KDM2B: variants seen among roughly 807,000 people sequenced by gnomAD.
KDM2B encodes lysine-specific demethylase 2B.
In KDM2B, 26 loss-of-function variants were observed where a neutral mutation model predicts 150.0. The observed-to-expected ratio is 0.17, with a 90% confidence interval of 0.13 to 0.24. KDM2B has a LOEUF of 0.24. KDM2B is among the 10% of genes least tolerant of loss of function. The pLI, the probability that KDM2B is intolerant of heterozygous loss-of-function variation, is 1.00. For synonymous variants in KDM2B, 734 were observed against 729.5 expected (o/e 1.01, Z -0.10); for missense variants, 1,265 against 1,816.9 (o/e 0.70, Z 5.52).
intron 12 of KDM2B, among the ~76,000 whole-genome samples, chr12:121,457,247 ATTCTTTTCTT>A (rs151066744): frequency 6.6e-5 from 10 of 151,806 alleles, no homozygotes; most frequent in Admixed American, 2.0e-4. Context: ...TCAAACGCCA[ATTCTTTTCTT>A]TTCTTTTCTT....
intron 9 of KDM2B, chr12:121,516,782 T>C (rs1256755610): frequency 7.6e-6 from 5 of 662,140 alleles, no homozygotes; most frequent in East Asian, 2.7e-5. Flanking sequence ...TTCTCGAGTG[T>C]ATCTAGAACT....
intron 12 of KDM2B, among the ~76,000 whole-genome samples, chr12:121,457,410 C>T (rs887443503): frequency 1.8e-4 from 28 of 152,086 alleles, no homozygotes; most frequent in Middle Eastern, 3.4e-3. Flanking sequence ...TACAGGTGTG[C>T]GCCACCAAGC....
chr12:121,475,180 CTCTGTG>C (rs1333118158), intron 12 of KDM2B, among the ~76,000 whole-genome samples: 1 of 110,882 alleles, frequency 9.0e-6, no homozygotes, highest in Admixed American at 1.0e-4. Context: ...CTACACATGA[CTCTGTG>C]TGTGTGTGTG....
intron 4 of KDM2B, among the ~76,000 whole-genome samples, chr12:121,573,059 C>T (rs1201539924): frequency 6.6e-6 from 1 of 151,138 alleles, no homozygotes; most frequent in African/African-American, 2.4e-5. Flanking sequence ...ATCTTGACCT[C>T]GTGATCCTCC....
intron 22 of KDM2B, among the ~76,000 whole-genome samples, chr12:121,438,484 G>A (rs558348821): frequency 1.3e-4 from 20 of 152,202 alleles, no homozygotes; most frequent in Admixed American, 2.0e-4. Flanking sequence ...AGAGTAAGAC[G>A]ACTCCCAGGC....
At chr12:121,444,830 TG>T (rs1202210564) in intron 14 of KDM2B, 24 of 498,982 alleles carry the variant, frequency 4.8e-5, no homozygotes, top group Middle Eastern at 1.1e-3. Flanking sequence ...CCCATCTCAC[TG>T]GGGGGGTATG....
intron 6 of KDM2B, among the ~76,000 whole-genome samples, chr12:121,535,113 C>T (rs1594073387): frequency 3.3e-5 from 5 of 151,992 alleles, no homozygotes; most frequent in Admixed American, 3.3e-4. Context: ...CCCGAGCCAG[C>T]TTTGGCCTTG....
intron 12 of KDM2B, among the ~76,000 whole-genome samples, chr12:121,463,005 C>A (rs1879319056): frequency 1.4e-5 from 2 of 143,162 alleles, no homozygotes; most frequent in South Asian, 4.5e-4. Context: ...CAAAGTGAGA[C>A]CCTGCCTCAG....
intron 12 of KDM2B, among the ~76,000 whole-genome samples, chr12:121,463,131 A>G (rs370199693): frequency 2.0e-5 from 3 of 152,158 alleles, no homozygotes; most frequent in African/African-American, 7.2e-5. Context: ...CCTGACCAAC[A>G]TGGTGAAACC....
At chr12:121,516,725 C>G (rs1366325546) in intron 9 of KDM2B, 3 of 636,786 alleles carry the variant, frequency 4.7e-6, no homozygotes, top group South Asian at 3.6e-5. Context: ...CTCGGAGGTC[C>G]AAGTCATCTT....
chr12:121,505,520 G>C (rs1884989949), intron 11 of KDM2B, among the ~76,000 whole-genome samples: 1 of 152,130 alleles, frequency 6.6e-6, no homozygotes, highest in African/African-American at 2.4e-5. Context: ...CTTGGTGACA[G>C]AGTAAGACTC....
In KDM2B at chr12:121,444,521, CCT is replaced by C. The variant is rs1875793867; in HGVS notation, c.2117_2118del (p.Glu706GlyfsTer17). ...TTTGGAAGCTCGTCGTTGACCACAC[CCT>C]CTGACTCCTTAATCTGCGGGGAACA... ...HPGCLKIKES[E>X]GVVNDELPNC... is the part of the protein sequence containing the mutation. On this transcript the variant is annotated frameshift_variant, in exon 15 of 23. Coordinates refer to ENST00000377071, the MANE Select transcript of KDM2B (RefSeq NM_032590.5). LOFTEE classifies it high-confidence loss of function. 1 of 1,614,012 alleles carries C rather than the reference CCT, an allele frequency of 6.2e-7. No individual in the cohort carries two copies. Among genetic ancestry groups the C allele is most frequent in the Non-Finnish European group, 8.5e-7 (1 of 1,180,006 alleles).
intron 10 of KDM2B, among the ~76,000 whole-genome samples, chr12:121,511,614 T>C (rs1555304048): frequency 6.6e-6 from 1 of 152,208 alleles, no homozygotes; most frequent in East Asian, 1.9e-4. Flanking sequence ...TGAGCCACTG[T>C]GCCCGGCCCC....
the KDM2B span, among the ~76,000 whole-genome samples, chr12:121,412,961 C>G: frequency 6.6e-6 from 1 of 151,892 alleles, no homozygotes; most frequent in Non-Finnish European, 1.5e-5. Context: ...ATGATCTGCT[C>G]CCCCACCTCT....
intron 17 of KDM2B, 29 bp downstream of exon 17, chr12:121,443,651 C>T: frequency 1.4e-6 from 2 of 1,400,774 alleles, no homozygotes; most frequent in Non-Finnish European, 2.0e-6. Flanking sequence ...GTCCCCGGGG[C>T]CTCAGGAGGG....
At position 121,442,973 on chromosome 12, in the gene KDM2B, A is replaced by T; in HGVS notation, c.2604+19T>A. 6.2e-7 allele frequency: 1 copy of T among 1,612,824 alleles called. No homozygotes were observed. The highest frequency in any genetic ancestry group is 8.5e-7 in the Non-Finnish European group (1 of 1,179,468). On this transcript the variant is annotated intron_variant, in intron 18 of 22. Coordinates refer to ENST00000377071, the MANE Select transcript of KDM2B (RefSeq NM_032590.5). This position sits in a 1 kb window ranked among gnomAD's most constrained non-coding sequence, Gnocchi z 7.7. The stretch of plus-strand genomic sequence containing the variant: ...TAACCGCTCAGGCCTGGGGCACAGG[A>T]GGGAGGGGAAGATGGTACCTTTTTC...
chr12:121,416,628 CTATTA>C, the KDM2B span: 9 of 345,420 alleles, frequency 2.6e-5, no homozygotes, highest in African/African-American at 4.3e-5. Flanking sequence ...ATTTTATTTT[CTATTA>C]TGTTTATTTC....
chr12:121,460,790 T>C (rs1555293646), intron 12 of KDM2B, among the ~76,000 whole-genome samples: 1 of 152,088 alleles, frequency 6.6e-6, no homozygotes, highest in Non-Finnish European at 1.5e-5. Flanking sequence ...AGGGATGGGG[T>C]CTTGCTATGT....
At chr12:121,422,074 T>C in the KDM2B span, among the ~76,000 whole-genome samples, 1,892 of 152,348 alleles carry the variant, frequency 0.012, 47 homozygotes, top group African/African-American at 0.043. Flanking sequence ...GAGAAGTCAG[T>C]TGACTTCATA....
Sources: allele counts gnomAD v4.1 joint callset (sites outside exome capture counted in the v4.1 genomes callset), GRCh38; gene constraint gnomAD v4.1.1; non-coding constraint Gnocchi (gnomAD v3.1); transcripts MANE v1.5; gene names NCBI Gene and HGNC (gene_info 2026-07-23, HGNC 2026-07-21).